DOK6: variants seen among roughly 807,000 people sequenced by gnomAD.
DOK6 encodes downstream of tyrosine kinase 6.
Under a neutral mutation model 44.0 loss-of-function variants are expected in DOK6, and 22 were observed. The ratio of observed to expected loss-of-function variants is 0.50; its 90% confidence interval spans 0.36 to 0.71. The LOEUF is 0.71. DOK6 is among the 30% of genes least tolerant of loss of function. The pLI, the probability that DOK6 is intolerant of heterozygous loss-of-function variation, is 0.00. For missense variants in DOK6, 340 were observed against 416.4 expected (o/e 0.82, Z 1.60); for synonymous variants, 166 against 145.5 (o/e 1.14, Z -1.01).
intron 1 of DOK6, among the ~76,000 whole-genome samples, chr18:69,551,012 A>T (rs1019140333): frequency 6.0e-5 from 9 of 150,810 alleles, no homozygotes; most frequent in Non-Finnish European, 1.3e-4. Context: ...TTTTTTTTTA[A>T]TCTTAACTTA....
In DOK6 at chr18:69,677,992, T is replaced by C. The variant is rs1014453936; in HGVS notation, c.409+139T>C. 5 of 1,332,336 alleles carry C rather than the reference T, an allele frequency of 3.8e-6. No homozygotes were observed. In the African/African-American group the frequency reaches 7.4e-5, roughly 20 times the overall value. 82.5% of individuals were successfully genotyped at this position (1,332,336 alleles called of 1,614,324 possible). On this transcript the variant is annotated intron_variant, in intron 4 of 7. Transcript: ENST00000382713. Reference sequence around the variant, plus strand: ...GGCCGAGTGCAGTGGCGCAAACCTGTAATCCCTGCATTTTGGGAGCCCGAG... The same window carrying C: ...GGCCGAGTGCAGTGGCGCAAACCTGCAATCCCTGCATTTTGGGAGCCCGAG...
chr18:69,566,911 T>C (rs2144600012), intron 2 of DOK6, among the ~76,000 whole-genome samples: 1 of 152,250 alleles, frequency 6.6e-6, no homozygotes, highest in South Asian at 2.1e-4. Context: ...TCCTCCTTAT[T>C]TTATATTCTC....
intron 5 of DOK6, among the ~76,000 whole-genome samples, chr18:69,702,429 T>G (rs1409386979): frequency 1.3e-5 from 2 of 152,122 alleles, no homozygotes; most frequent in Non-Finnish European, 2.9e-5. Flanking sequence ...ACACAAGACA[T>G]GAAGTGCCAA....
chr18:69,594,589 CAAAA>C (rs10629064), intron 2 of DOK6, among the ~76,000 whole-genome samples: 2 of 129,156 alleles, frequency 1.5e-5, no homozygotes. Context: ...AGCAAACAGG[CAAAA>C]AAAAAAAAAA....
chr18:69,405,487 C>T (rs1009582028), intron 1 of DOK6, among the ~76,000 whole-genome samples: 1 of 151,826 alleles, frequency 6.6e-6, no homozygotes, highest in South Asian at 2.1e-4. Context: ...GGCTGAGGTG[C>T]GAGAATTGCT....
intron 1 of DOK6, among the ~76,000 whole-genome samples, chr18:69,511,443 C>T (rs1394444559): frequency 1.3e-5 from 2 of 152,050 alleles, no homozygotes; most frequent in African/African-American, 4.8e-5. Flanking sequence ...TTGAAGGACT[C>T]GTAAAACAAG....
intron 7 of DOK6, among the ~76,000 whole-genome samples, chr18:69,828,236 T>G (rs1981798719): frequency 6.6e-6 from 1 of 151,886 alleles, no homozygotes; most frequent in Admixed American, 6.6e-5. Flanking sequence ...TTCCCATTCC[T>G]CTTGTTAATC....
intron 5 of DOK6, among the ~76,000 whole-genome samples, chr18:69,734,093 C>T (rs1271440074): frequency 6.7e-6 from 1 of 148,602 alleles, no homozygotes; most frequent in African/African-American, 2.5e-5. Flanking sequence ...GCTTTTTTTT[C>T]CCCATTTGCT....
chr18:69,625,329 A>G (rs962422654), intron 3 of DOK6, among the ~76,000 whole-genome samples: 1 of 152,154 alleles, frequency 6.6e-6, no homozygotes, highest in African/African-American at 2.4e-5. Flanking sequence ...AGAATTTGTC[A>G]GGGAAGTAAA....
chr18:69,807,192 C>A (rs1599335959), intron 7 of DOK6, among the ~76,000 whole-genome samples: 1 of 151,706 alleles, frequency 6.6e-6, no homozygotes, highest in East Asian at 1.9e-4. Flanking sequence ...TTAATGCAAT[C>A]AAAGTTAAGC....
At chr18:69,638,302 C>T (rs760080068) in intron 3 of DOK6, among the ~76,000 whole-genome samples, 12 of 152,190 alleles carry the variant, frequency 7.9e-5, no homozygotes, top group Admixed American at 1.3e-4. Context: ...TCCTGTAGAG[C>T]ACTTTGCCAT....
intron 7 of DOK6, among the ~76,000 whole-genome samples, chr18:69,829,123 A>G (rs1981831769): frequency 6.6e-6 from 1 of 151,106 alleles, no homozygotes; most frequent in South Asian, 2.1e-4. Flanking sequence ...TAATTAAGAA[A>G]TGATCCAGAA....
intron 5 of DOK6, among the ~76,000 whole-genome samples, chr18:69,727,641 G>A (rs769878646): frequency 1.3e-4 from 20 of 152,094 alleles, no homozygotes; most frequent in Admixed American, 7.9e-4. Context: ...GTGAGACCAC[G>A]GTAAAAGAAA....
At chr18:69,670,508 C>A (rs1985770398) in intron 3 of DOK6, among the ~76,000 whole-genome samples, 1 of 111,860 alleles carries the variant, frequency 8.9e-6, no homozygotes, top group East Asian at 2.9e-4. Context: ...ACTTGTGCAT[C>A]AATTTTTTTT....
chr18:69,613,050 T>C (rs1984200310), intron 3 of DOK6, among the ~76,000 whole-genome samples: 1 of 152,074 alleles, frequency 6.6e-6, no homozygotes, highest in African/African-American at 2.4e-5. Context: ...TTTGTACTTT[T>C]TGTATAGATG....
intron 1 of DOK6, among the ~76,000 whole-genome samples, chr18:69,438,249 T>TAACG (rs1599131272): frequency 6.6e-6 from 1 of 152,302 alleles, no homozygotes; most frequent in East Asian, 1.9e-4. Context: ...TAAACAAAGT[T>TAACG]TACGTAATAT....
intron 3 of DOK6, chr18:69,660,949 G>C (rs931298761): frequency 6.6e-6 from 1 of 152,330 alleles, no homozygotes; most frequent in African/African-American, 2.4e-5. Flanking sequence ...GATTACAGGC[G>C]TGAGCCACCA....
At chr18:69,639,347 A>G (rs1279235197) in intron 3 of DOK6, among the ~76,000 whole-genome samples, 1 of 152,206 alleles carries the variant, frequency 6.6e-6, no homozygotes, top group African/African-American at 2.4e-5. Flanking sequence ...CTGCAGCTTG[A>G]AAAATCCAAA....
intron 5 of DOK6, among the ~76,000 whole-genome samples, chr18:69,716,820 T>A (rs2144720119): frequency 6.6e-6 from 1 of 152,240 alleles, no homozygotes; most frequent in East Asian, 1.9e-4. Flanking sequence ...AATTTCTTAA[T>A]TATTTCTGAT....
Sources: gnomAD v4.1 joint callset for allele counts (sites outside exome capture counted in the v4.1 genomes callset) on GRCh38, gnomAD v4.1.1 for gene constraint, MANE v1.5 for transcripts, NCBI Gene and HGNC (gene_info 2026-07-23, HGNC 2026-07-21) for gene names.